Variants in TAFA2 observed in about 807,000 individuals in gnomAD.
TAFA2 encodes TAFA chemokine like family member 2, also known as chemokine-like protein TAFA-2.
In TAFA2, 7 loss-of-function variants were observed where a neutral mutation model predicts 18.8. The observed-to-expected ratio is 0.37, with a 90% CI of 0.21 to 0.70. The LOEUF is 0.70. Among genes scored for constraint, TAFA2 ranks in the 30% least tolerant of loss-of-function variants. The probability of loss-of-function intolerance (pLI) is 0.53; values close to 1 mark genes in which losing one functional copy is unlikely to be tolerated. For synonymous variants in TAFA2, 60 were observed against 54.2 expected, an observed-to-expected ratio of 1.11 and a Z score of -0.47; for missense variants, 122 against 158.1, an observed-to-expected ratio of 0.77 and a Z score of 1.23.
At chr12:61,896,622 C>G (rs748809210) in intron 1 of TAFA2, among the ~76,000 whole-genome samples, 8 of 152,180 alleles carry the variant, frequency 5.3e-5, no homozygotes, top group Non-Finnish European at 1.2e-4. Context: ...TAGTTCTGCA[C>G]TATTTGCCTG....
chr12:61,927,962 A>C (rs547647252), intron 1 of TAFA2, among the ~76,000 whole-genome samples: 1 of 152,354 alleles, frequency 6.6e-6, no homozygotes, highest in South Asian at 2.1e-4. Context: ...AGCCATATGC[A>C]GAAAACTAAA....
rs144854600 is a variant in TAFA2 at position 61,922,335 on chromosome 12, G to A, written c.-1-54909C>T. ...AAGATGGCTGAATAGGAACAGCTCC[G>A]GTCTGCAGCTCCCAGCGAGACCAAC... On this transcript the variant is annotated intron_variant, in intron 1 of 4. Transcript: ENST00000416284. Among the ~76,000 whole-genome samples, 22 of 150,624 alleles carry A rather than the reference G, an allele frequency of 1.5e-4. No homozygotes were observed. The East Asian group carries it at 4.0e-3, about 27-fold the overall frequency.
At chr12:61,717,579 C>T (rs1414039447) in intron 4 of TAFA2, among the ~76,000 whole-genome samples, 1 of 152,110 alleles carries the variant, frequency 6.6e-6, no homozygotes, top group Non-Finnish European at 1.5e-5. Context: ...ACTAAAGGAC[C>T]TTGAACTATA....
At chr12:61,949,643 C>A (rs1207065533) in intron 1 of TAFA2, among the ~76,000 whole-genome samples, 1 of 152,112 alleles carries the variant, frequency 6.6e-6, no homozygotes, top group African/African-American at 2.4e-5. Context: ...ATAATCATTT[C>A]TTATAATAAA....
chr12:61,740,789 T>G (rs10877730), intron 4 of TAFA2, among the ~76,000 whole-genome samples: 75,308 of 150,984 alleles, frequency 0.5, 18,992 homozygotes, highest in African/African-American at 0.57. Flanking sequence ...CTCAACAAAA[T>G]AATCCTTTAT....
chr12:61,871,249 T>G (rs1463616679), intron 1 of TAFA2, among the ~76,000 whole-genome samples: 1 of 152,164 alleles, frequency 6.6e-6, no homozygotes, highest in African/African-American at 2.4e-5. Context: ...GATCAAGGAT[T>G]TTTGACAAAG....
At chr12:62,035,553 AT>A (rs1478422408) in intron 1 of TAFA2, among the ~76,000 whole-genome samples, 35 of 141,760 alleles carry the variant, frequency 2.5e-4, no homozygotes, top group Non-Finnish European at 4.6e-4. Flanking sequence ...AATAAAAAAA[AT>A]TAAAAAAAAA....
chr12:62,114,560 T>A (rs1340635975), intron 1 of TAFA2, among the ~76,000 whole-genome samples: 2 of 152,242 alleles, frequency 1.3e-5, no homozygotes, highest in Non-Finnish European at 2.9e-5. Flanking sequence ...TTTATTTAAC[T>A]AAGAACAATG....
At chr12:61,933,045 G>T (rs1045984281) in intron 1 of TAFA2, among the ~76,000 whole-genome samples, 4 of 152,122 alleles carry the variant, frequency 2.6e-5, no homozygotes, top group African/African-American at 4.8e-5. Context: ...CCCAGCTGAG[G>T]TTATTATCCA....
At chr12:61,792,535 A>AT (rs200025761) in intron 2 of TAFA2, among the ~76,000 whole-genome samples, 2,694 of 151,726 alleles carry the variant, frequency 0.018, 73 homozygotes, top group African/African-American at 0.06. Flanking sequence ...TGTCATTAAA[A>AT]TTTTTTAAAA....
chr12:62,062,335 A>C (rs1365654258), intron 1 of TAFA2, among the ~76,000 whole-genome samples: 1 of 152,170 alleles, frequency 6.6e-6, no homozygotes, highest in Non-Finnish European at 1.5e-5. Context: ...CACTTCTTGC[A>C]TCTGGAGGGG....
intron 1 of TAFA2, among the ~76,000 whole-genome samples, chr12:62,009,795 A>G (rs141103310): frequency 2.8e-3 from 421 of 152,324 alleles, no homozygotes; most frequent in African/African-American, 9.6e-3. Context: ...GTTCTTAGAT[A>G]TGAACTCCTA....
At chr12:61,854,873 A>G (rs1399964594) in intron 2 of TAFA2, among the ~76,000 whole-genome samples, 1 of 152,188 alleles carries the variant, frequency 6.6e-6, no homozygotes, top group Non-Finnish European at 1.5e-5. Context: ...ACAGTAAACT[A>G]AAAAACAATG....
intron 2 of TAFA2, among the ~76,000 whole-genome samples, chr12:61,796,463 A>C (rs1478143909): frequency 6.6e-6 from 1 of 152,162 alleles, no homozygotes; most frequent in Non-Finnish European, 1.5e-5. Flanking sequence ...AATTCTTTTA[A>C]AAAATGCAAC....
At chr12:62,060,798 T>A (rs1882327042) in intron 1 of TAFA2, among the ~76,000 whole-genome samples, 1 of 152,134 alleles carries the variant, frequency 6.6e-6, no homozygotes, top group South Asian at 2.1e-4. Context: ...TGTCATAGTT[T>A]TTAACAAAAA....
rs1869235287 is a variant in TAFA2, at chr12:61,708,302, T to C, written c.*2104A>G. 6.6e-6 allele frequency: 1 copy of C among 152,158 alleles called. No homozygotes were observed. Among genetic ancestry groups the C allele is most frequent in the Admixed American group, 6.6e-5 (1 of 15,266 alleles). 9.4% of individuals were successfully genotyped at this position (152,158 alleles called of 1,614,324 possible). A position where few individuals can be genotyped will look rare whatever the true frequency, so the allele number is the denominator to read the frequency against. On this transcript the variant is annotated 3_prime_UTR_variant, in exon 5 of 5. Transcript: ENST00000416284. ...TTTTATATCCCAATTTTATTCACCT[T>C]TTCTGAATAGTCACAACATTAATCT...
chr12:62,036,291 T>G (rs899722806), intron 1 of TAFA2, among the ~76,000 whole-genome samples: 5 of 152,238 alleles, frequency 3.3e-5, no homozygotes, highest in Non-Finnish European at 5.9e-5. Flanking sequence ...AAACATTGAA[T>G]ATTTTAAGAA....
intron 2 of TAFA2, among the ~76,000 whole-genome samples, chr12:61,786,206 A>G (rs1185357029): frequency 2.0e-5 from 3 of 151,612 alleles, no homozygotes; most frequent in African/African-American, 7.3e-5. Flanking sequence ...CTTACCATGC[A>G]TAAGGACTTG....
At chr12:61,726,202 A>C (rs945849271) in intron 4 of TAFA2, among the ~76,000 whole-genome samples, 1 of 151,430 alleles carries the variant, frequency 6.6e-6, no homozygotes, top group African/African-American at 2.4e-5. Flanking sequence ...TATATGTTTT[A>C]TCTCTAATTG....
Sources: gnomAD v4.1 joint callset for allele counts (sites outside exome capture counted in the v4.1 genomes callset) on GRCh38, gnomAD v4.1.1 for gene constraint, MANE v1.5 for transcripts, NCBI Gene and HGNC (gene_info 2026-07-23, HGNC 2026-07-21) for gene names.